Variants in GALNT1 observed in about 807,000 individuals in gnomAD.
GALNT1 encodes the protein GalNAc transferase 1.
A neutral mutation model predicts 65.7 loss-of-function variants in GALNT1; 17 were observed. The observed-to-expected ratio is 0.26, with a 90% CI of 0.18 to 0.39. The LOEUF is 0.39. GALNT1 is among the 10% of genes least tolerant of loss of function. The pLI is 1.00. For synonymous variants in GALNT1, 210 were observed against 219.7 expected (o/e 0.96, Z 0.39); for missense variants, 460 against 672.8 (o/e 0.68, Z 3.50).
At position 35,691,009 on chromosome 18, in the gene GALNT1, C is replaced by T; in HGVS notation, c.979-3C>T. 1 of 1,588,040 alleles carries T rather than the reference C, an allele frequency of 6.3e-7. No homozygotes were observed. The highest frequency in any genetic ancestry group is 8.5e-7 in the Non-Finnish European group (1 of 1,169,718). The stretch of plus-strand genomic sequence containing the variant: ...GTTACATGGTCATCTCTGCTGTTTT[C>T]AGATTTGGCAGTGTGGAGGAACTTT... On this transcript the variant is annotated splice_region_variant and splice_polypyrimidine_tract_variant and intron_variant, in intron 7 of 11. Transcript: ENST00000269195.
chr18:35,626,008 C>T (rs1386844467), intron 1 of GALNT1, among the ~76,000 whole-genome samples: 4 of 152,128 alleles, frequency 2.6e-5, no homozygotes, highest in African/African-American at 9.7e-5. Context: ...TTGCTGTTCC[C>T]CAGACATTCC....
chr18:35,648,018 CAAAAAG>C (rs996493178), intron 1 of GALNT1, among the ~76,000 whole-genome samples: 4 of 131,106 alleles, frequency 3.1e-5, no homozygotes, highest in East Asian at 2.2e-4. Flanking sequence ...CTGTCAAAAA[CAAAAAG>C]AGAAGAAGAA....
chr18:35,592,607 G>A (rs935414785), intron 1 of GALNT1, among the ~76,000 whole-genome samples: 2 of 152,144 alleles, frequency 1.3e-5, no homozygotes, highest in Non-Finnish European at 2.9e-5. Flanking sequence ...GTTTTGAGTA[G>A]GAGAAAGCTC....
intron 1 of GALNT1, among the ~76,000 whole-genome samples, chr18:35,589,490 C>CT (rs1299038119): frequency 2.0e-5 from 3 of 151,780 alleles, no homozygotes; most frequent in Admixed American, 2.0e-4. Context: ...GGTCTTTTGA[C>CT]TTTTTTTCCC....
At chr18:35,583,235 A>G (rs2046343842) in intron 1 of GALNT1, among the ~76,000 whole-genome samples, 1 of 152,190 alleles carries the variant, frequency 6.6e-6, no homozygotes, top group South Asian at 2.1e-4. Flanking sequence ...CTCAGACTCA[A>G]GTAATGCAGA....
chr18:35,699,646 A>C (rs1336206253), intron 9 of GALNT1, among the ~76,000 whole-genome samples: 1 of 152,258 alleles, frequency 6.6e-6, no homozygotes, highest in African/African-American at 2.4e-5. Context: ...ACCCCTTATC[A>C]GAAGGTTCTC....
chr18:35,653,075 C>G (rs1168358114), intron 1 of GALNT1, among the ~76,000 whole-genome samples: 1 of 152,136 alleles, frequency 6.6e-6, no homozygotes, highest in African/African-American at 2.4e-5. Flanking sequence ...TAGGTTCTCC[C>G]CTCACCTCAG....
At chr18:35,702,738 C>T (rs1043990356) in intron 9 of GALNT1, 159 bp from the exon 10 acceptor site, 1 of 427,012 alleles carries the variant, frequency 2.3e-6, no homozygotes. Flanking sequence ...CCTTTCTAGA[C>T]CAATGAATTT....
chr18:35,631,324 C>T (rs1388587278), intron 1 of GALNT1, among the ~76,000 whole-genome samples: 2 of 151,980 alleles, frequency 1.3e-5, no homozygotes, highest in African/African-American at 2.4e-5. Flanking sequence ...ACTGGCAAAC[C>T]GAATCCAGCA....
At chr18:35,666,561 C>G (rs1256515339) in intron 3 of GALNT1, among the ~76,000 whole-genome samples, 1 of 152,078 alleles carries the variant, frequency 6.6e-6, no homozygotes, top group African/African-American at 2.4e-5. Context: ...TTTTAATAAC[C>G]CCCCTAAGTA....
chr18:35,612,367 A>G (rs2046728386), intron 1 of GALNT1, among the ~76,000 whole-genome samples: 1 of 152,244 alleles, frequency 6.6e-6, no homozygotes, highest in Non-Finnish European at 1.5e-5. Flanking sequence ...AGTGATACTA[A>G]TTAAATTCTA....
chr18:35,613,392 A>G (rs2046742961), intron 1 of GALNT1, among the ~76,000 whole-genome samples: 1 of 152,210 alleles, frequency 6.6e-6, no homozygotes, highest in South Asian at 2.1e-4. Context: ...TGAAATGTTA[A>G]AAATACTGGA....
intron 1 of GALNT1, among the ~76,000 whole-genome samples, chr18:35,583,027 T>C (rs2046341031): frequency 6.6e-6 from 1 of 152,272 alleles, no homozygotes; most frequent in Non-Finnish European, 1.5e-5. Flanking sequence ...ATACATTTGT[T>C]GTGTCAGTAA....
At position 35,598,370 on chromosome 18, in the gene GALNT1, C is replaced by G. The variant is rs1598780553; in HGVS notation, c.-104+16508C>G. ...TATTTTTGTACCCAGTAACCAGTCTCTCATCTCCCCTTCTCCTCCCTACCC... is the reference window on the plus strand; with the variant it reads ...TATTTTTGTACCCAGTAACCAGTCTGTCATCTCCCCTTCTCCTCCCTACCC... On this transcript the variant is annotated intron_variant, in intron 1 of 11. Coordinates refer to ENST00000269195, the MANE Select transcript of GALNT1 (RefSeq NM_020474.4). Among the ~76,000 whole-genome samples, 2 of 151,946 alleles carry G rather than the reference C, an allele frequency of 1.3e-5. 1 individual carries two copies. Among genetic ancestry groups the G allele is most frequent in the South Asian group, 4.1e-4 (2 of 4,822 alleles).
chr18:35,649,943 TGACA>T (rs1355225762), intron 1 of GALNT1, among the ~76,000 whole-genome samples: 1 of 152,220 alleles, frequency 6.6e-6, no homozygotes, highest in African/African-American at 2.4e-5. Flanking sequence ...TTGTCTGTTG[TGACA>T]GACAGTGCCT....
intron 1 of GALNT1, among the ~76,000 whole-genome samples, chr18:35,583,893 C>T (rs2143812779): frequency 6.6e-6 from 1 of 152,312 alleles, no homozygotes; most frequent in South Asian, 2.1e-4. Flanking sequence ...CCCTATCCCT[C>T]TTTTAACTAA....
intron 3 of GALNT1, among the ~76,000 whole-genome samples, chr18:35,667,291 GC>G (rs1339769784): frequency 6.6e-6 from 1 of 152,112 alleles, no homozygotes; most frequent in Non-Finnish European, 1.5e-5. Context: ...TCTGGGATAA[GC>G]CCCTGGACAC....
At chr18:35,636,036 G>C (rs1409628321) in intron 1 of GALNT1, among the ~76,000 whole-genome samples, 1 of 152,070 alleles carries the variant, frequency 6.6e-6, no homozygotes, top group Non-Finnish European at 1.5e-5. Flanking sequence ...TCTGATTCCA[G>C]GATATGGAAT....
rs145262077 is a variant in GALNT1 at position 35,704,573 on chromosome 18, G to A, written c.1533+930G>A. On this transcript the variant is annotated intron_variant, in intron 11 of 11. Transcript: ENST00000269195. ...TCCACCCGCCTCAGTCTCTCAAAGTGCTGGGATTACAGGCATGAGCCATCA... is the reference window on the plus strand; with the variant it reads ...TCCACCCGCCTCAGTCTCTCAAAGTACTGGGATTACAGGCATGAGCCATCA... Among the ~76,000 whole-genome samples the A allele has an allele frequency of 2.8e-3, 424 of 152,088 alleles. 2 individuals are homozygous for A. The highest frequency in any genetic ancestry group is 1.0e-2 in the African/African-American group (415 of 41,512).
Sources: allele counts gnomAD v4.1 joint callset (sites outside exome capture counted in the v4.1 genomes callset), GRCh38; gene constraint gnomAD v4.1.1; transcripts MANE v1.5; gene names NCBI Gene and HGNC (gene_info 2026-07-23, HGNC 2026-07-21).